The following PTPRM variants were observed in gnomAD, a reference collection of about 807,000 sequenced individuals.
PTPRM encodes protein tyrosine phosphatase receptor type M.
In PTPRM, 47 loss-of-function variants were observed where a neutral mutation model predicts 186.7. That is an observed-to-expected ratio of 0.25 (90% CI 0.20 to 0.32). PTPRM has a LOEUF of 0.32. PTPRM is among the 10% of genes least tolerant of loss of function. The pLI, the probability that PTPRM is intolerant of heterozygous loss-of-function variation, is 1.00. For missense variants in PTPRM, 1,494 were observed against 1,865.0 expected, an observed-to-expected ratio of 0.80 and a Z score of 3.66; for synonymous variants, 668 against 674.9, an observed-to-expected ratio of 0.99 and a Z score of 0.16.
At chr18:7,776,533 TAAAC>T (rs1326836706) in intron 2 of PTPRM, among the ~76,000 whole-genome samples, 7 of 152,094 alleles carry the variant, frequency 4.6e-5, no homozygotes, top group African/African-American at 1.7e-4. Flanking sequence ...TACTACTCAT[TAAAC>T]AAACTTTAGT....
rs2094566986 is a variant in PTPRM at position 8,255,595 on chromosome 18, A to G, written c.2754+2181A>G. On this transcript the variant is annotated intron_variant, in intron 19 of 32. Coordinates refer to ENST00000580170, the MANE Select transcript of PTPRM (RefSeq NM_001105244.2). ...CAGAGAGGACTGCCAAAAAGTGAATACTTTTAAACCCTAAAGCCATTGTTC... is the reference window on the plus strand; with the variant it reads ...CAGAGAGGACTGCCAAAAAGTGAATGCTTTTAAACCCTAAAGCCATTGTTC... Among the ~76,000 whole-genome samples, 4 of 152,320 alleles carry G rather than the reference A, an allele frequency of 2.6e-5. 1 individual carries two copies. In the South Asian group the frequency reaches 8.3e-4, roughly 32 times the overall value.
At chr18:7,898,674 T>C (rs2049498891) in intron 3 of PTPRM, among the ~76,000 whole-genome samples, 1 of 152,224 alleles carries the variant, frequency 6.6e-6, no homozygotes, top group Admixed American at 6.5e-5. Flanking sequence ...TCTTGTCTCC[T>C]GAAATGCTAT....
At chr18:7,745,368 T>C (rs986920768) in intron 1 of PTPRM, among the ~76,000 whole-genome samples, 1 of 152,212 alleles carries the variant, frequency 6.6e-6, no homozygotes, top group Non-Finnish European at 1.5e-5. Flanking sequence ...GCCACTTTTT[T>C]CCTCAAGACT....
chr18:7,845,551 G>A (rs964903157), intron 2 of PTPRM, among the ~76,000 whole-genome samples: 2 of 152,140 alleles, frequency 1.3e-5, no homozygotes, highest in African/African-American at 4.8e-5. Flanking sequence ...TCGATACACT[G>A]AAACCTAAAT....
chr18:8,235,759 G>C (rs2094338867), intron 14 of PTPRM, among the ~76,000 whole-genome samples: 1 of 151,740 alleles, frequency 6.6e-6, no homozygotes, highest in African/African-American at 2.4e-5. Flanking sequence ...CACAAATTTT[G>C]ATAAGTTGTA....
At chr18:7,744,084 G>A (rs1345981295) in intron 1 of PTPRM, among the ~76,000 whole-genome samples, 1 of 152,190 alleles carries the variant, frequency 6.6e-6, no homozygotes, top group Non-Finnish European at 1.5e-5. Flanking sequence ...GAATTACTCA[G>A]TAGAGCTTCT....
At chr18:7,797,873 G>T (rs971451542) in intron 2 of PTPRM, among the ~76,000 whole-genome samples, 1 of 152,210 alleles carries the variant, frequency 6.6e-6, no homozygotes, top group Non-Finnish European at 1.5e-5. Flanking sequence ...TGCCAGCACT[G>T]GTGGACATTC....
chr18:8,030,967 C>T (rs1320564142), intron 7 of PTPRM, among the ~76,000 whole-genome samples: 3 of 152,158 alleles, frequency 2.0e-5, no homozygotes, highest in Non-Finnish European at 4.4e-5. Flanking sequence ...ACGTTGAATA[C>T]TTGTGTTTTC....
intron 1 of PTPRM, among the ~76,000 whole-genome samples, chr18:7,646,063 G>C (rs775079193): frequency 4.6e-5 from 7 of 152,174 alleles, no homozygotes; most frequent in Non-Finnish European, 1.0e-4. Flanking sequence ...TTAAAATCTG[G>C]TTTTTCTTGG....
At chr18:7,788,940 C>A (rs1480585551) in intron 2 of PTPRM, among the ~76,000 whole-genome samples, 1 of 152,062 alleles carries the variant, frequency 6.6e-6, no homozygotes, top group Non-Finnish European at 1.5e-5. Flanking sequence ...AGTGGGTGAC[C>A]TCCCTAGCTT....
intron 11 of PTPRM, among the ~76,000 whole-genome samples, chr18:8,090,926 G>A (rs746437430): frequency 3.3e-5 from 5 of 152,046 alleles, no homozygotes; most frequent in East Asian, 1.9e-4. Context: ...TGCTCTTTGC[G>A]CAATATACCT....
At chr18:8,333,001 C>A (rs2095420056) in intron 22 of PTPRM, among the ~76,000 whole-genome samples, 1 of 152,076 alleles carries the variant, frequency 6.6e-6, no homozygotes, top group South Asian at 2.1e-4. Flanking sequence ...TTAGAAAATG[C>A]GATTTTAACA....
intron 13 of PTPRM, among the ~76,000 whole-genome samples, chr18:8,129,966 AT>A (rs1461135836): frequency 6.6e-6 from 1 of 152,192 alleles, no homozygotes; most frequent in Non-Finnish European, 1.5e-5. Flanking sequence ...CCTTTCAGCA[AT>A]ATCAGTGTGA....
At chr18:8,006,172 C>T (rs1406657265) in intron 7 of PTPRM, among the ~76,000 whole-genome samples, 1 of 152,208 alleles carries the variant, frequency 6.6e-6, no homozygotes, top group African/African-American at 2.4e-5. Context: ...TAAGATAAAT[C>T]TATTTTTGCA....
chr18:7,917,997 C>T (rs1296866036), intron 4 of PTPRM, among the ~76,000 whole-genome samples: 1 of 152,010 alleles, frequency 6.6e-6, no homozygotes, highest in Non-Finnish European at 1.5e-5. Flanking sequence ...ATCCTTGTTG[C>T]TGCAAATGAC....
rs71935994 is a variant in PTPRM at position 7,772,349 on chromosome 18, C to CTCTTTCTTTCTTTCTTTCTT, written c.74-1754_74-1735dup. On this transcript the variant is annotated intron_variant, in intron 1 of 32. Coordinates refer to ENST00000580170, the MANE Select transcript of PTPRM (RefSeq NM_001105244.2). ...CGTTCTTTCTTTTCTTTCTTTCTTTCTCTTTCTTTCTTTCTTTCTTTCTTT... is the reference window on the plus strand; with the variant it reads ...CGTTCTTTCTTTTCTTTCTTTCTTTCTCTTTCTTTCTTTCTTTCTTTCTTTCTTTCTTTCTTTCTTTCTTT... Among the ~76,000 whole-genome samples, 60 of 96,102 alleles carry CTCTTTCTTTCTTTCTTTCTT rather than the reference C, an allele frequency of 6.2e-4. 3 individuals are homozygous for CTCTTTCTTTCTTTCTTTCTT. The highest frequency in any genetic ancestry group is 1.9e-3 in the African/African-American group (40 of 21,504). 63.0% of individuals were successfully genotyped at this position (96,102 alleles called of 152,430 possible). A position where few individuals can be genotyped will look rare whatever the true frequency, so the allele number is the denominator to read the frequency against.
chr18:7,961,881 G>A (rs1186146974), intron 7 of PTPRM, among the ~76,000 whole-genome samples: 2 of 152,150 alleles, frequency 1.3e-5, no homozygotes, highest in Admixed American at 1.3e-4. Flanking sequence ...TGTCTGCCTA[G>A]TATCTGCCTA....
At chr18:8,182,116 A>G (rs1204074968) in intron 14 of PTPRM, among the ~76,000 whole-genome samples, 3 of 152,232 alleles carry the variant, frequency 2.0e-5, no homozygotes, top group East Asian at 1.9e-4. Flanking sequence ...TGTTCACTGT[A>G]GAGAAGCAGC....
rs528723986 is a variant in PTPRM at position 7,766,927 on chromosome 18, G to A, written c.74-7222G>A. On this transcript the variant is annotated intron_variant, in intron 1 of 32. Coordinates refer to ENST00000580170, the MANE Select transcript of PTPRM (RefSeq NM_001105244.2). ...AATTAGGTAATACATGTTTATATTTGCATGGCTTTTGTTCTGTAACATGTT... is the reference window on the plus strand; with the variant it reads ...AATTAGGTAATACATGTTTATATTTACATGGCTTTTGTTCTGTAACATGTT... Among the ~76,000 whole-genome samples, 8 of 152,196 alleles carry A rather than the reference G, an allele frequency of 5.3e-5. No homozygotes were observed. In the East Asian group the frequency reaches 1.5e-3, roughly 29 times the overall value.
Sources: gnomAD v4.1 joint callset for allele counts (sites outside exome capture counted in the v4.1 genomes callset) on GRCh38, gnomAD v4.1.1 for gene constraint, MANE v1.5 for transcripts, NCBI Gene and HGNC (gene_info 2026-07-23, HGNC 2026-07-21) for gene names.